The following NRG3 variants were observed in gnomAD, a reference collection of about 807,000 sequenced individuals.
NRG3 encodes the protein pro-neuregulin-3, membrane-bound isoform.
In NRG3, 31 loss-of-function variants were observed where a neutral mutation model predicts 66.9. The observed-to-expected ratio is 0.46, with a 90% CI of 0.35 to 0.63. The LOEUF (loss-of-function observed/expected upper bound fraction) is 0.63, where lower values mean the gene tolerates loss of function less well. NRG3 is among the 20% of genes least tolerant of loss of function. The pLI is 0.00. For missense variants in NRG3, 910 were observed against 878.9 expected (o/e 1.04, Z -0.45); for synonymous variants, 393 against 359.4 (o/e 1.09, Z -1.06).
chr10:82,581,134 C>A (rs1263650984), intron 2 of NRG3, among the ~76,000 whole-genome samples: 2 of 151,940 alleles, frequency 1.3e-5, no homozygotes, highest in Non-Finnish European at 2.9e-5. Context: ...GGATTTTGAT[C>A]ATCTAATAAG....
At chr10:82,973,006 T>C (rs1477696685) in intron 6 of NRG3, among the ~76,000 whole-genome samples, 1 of 152,210 alleles carries the variant, frequency 6.6e-6, no homozygotes, top group African/African-American at 2.4e-5. Flanking sequence ...CTTAAACTTC[T>C]ATTTCTAAAG....
At position 82,811,709 on chromosome 10, in the gene NRG3, A is replaced by G. The variant is rs181318065; in HGVS notation, c.1028-53702A>G. ...GAGATAAAGCAAAATAAAACTGTGA[A>G]CATTAATAGGCCCGTATTTCAACAC... is the stretch of plus-strand genomic sequence containing the variant. On this transcript the variant is annotated intron_variant, in intron 3 of 8. Coordinates refer to ENST00000372141, the MANE Select transcript of NRG3 (RefSeq NM_001010848.4). 1.1e-3 allele frequency among the ~76,000 whole-genome samples: 174 copies of G among 152,334 alleles called. 4 individuals are homozygous for G. The highest frequency in any genetic ancestry group is 3.2e-4 in the Non-Finnish European group (22 of 68,036).
chr10:82,119,948 C>T (rs1309805751), intron 1 of NRG3, among the ~76,000 whole-genome samples: 1 of 152,032 alleles, frequency 6.6e-6, no homozygotes, highest in African/African-American at 2.4e-5. Flanking sequence ...CTATTTGTCA[C>T]GACCTCTACT....
intron 1 of NRG3, among the ~76,000 whole-genome samples, chr10:82,110,209 A>G (rs1159184650): frequency 6.6e-6 from 1 of 152,182 alleles, no homozygotes; most frequent in African/African-American, 2.4e-5. Context: ...ACAGATATCT[A>G]TGGTGAGTAT....
intron 2 of NRG3, among the ~76,000 whole-genome samples, chr10:82,596,453 T>A (rs1170654169): frequency 3.3e-5 from 5 of 152,174 alleles, no homozygotes; most frequent in African/African-American, 1.2e-4. Flanking sequence ...GGCTACTCCC[T>A]GTTTCTCAAG....
chr10:82,210,830 A>G (rs1303296892), intron 1 of NRG3, among the ~76,000 whole-genome samples: 1 of 152,108 alleles, frequency 6.6e-6, no homozygotes, highest in African/African-American at 2.4e-5. Flanking sequence ...TAATAGGTAG[A>G]TATTAAATAA....
At chr10:82,785,428 C>G (rs1013827970) in intron 3 of NRG3, among the ~76,000 whole-genome samples, 5 of 151,636 alleles carry the variant, frequency 3.3e-5, no homozygotes, top group Non-Finnish European at 7.4e-5. Flanking sequence ...TAGCGAGAGC[C>G]TACATTTTCT....
chr10:82,258,896 C>T (rs1481600240), intron 1 of NRG3, among the ~76,000 whole-genome samples: 4 of 152,080 alleles, frequency 2.6e-5, no homozygotes, highest in East Asian at 3.9e-4. Context: ...GAGAAAGATA[C>T]GTATTTAATT....
chr10:81,879,587 G>C (rs1383571993), intron 1 of NRG3, among the ~76,000 whole-genome samples: 1 of 152,116 alleles, frequency 6.6e-6, no homozygotes, highest in African/African-American at 2.4e-5. Context: ...GGTTAGATTT[G>C]GAAGGTATAT....
At chr10:82,669,213 G>A (rs907870149) in intron 2 of NRG3, among the ~76,000 whole-genome samples, 6 of 150,206 alleles carry the variant, frequency 4.0e-5, no homozygotes, top group African/African-American at 9.8e-5. Flanking sequence ...CAAAAATGAA[G>A]GTAAGTAACT....
chr10:81,910,952 A>T (rs1280357295), intron 1 of NRG3, among the ~76,000 whole-genome samples: 2 of 152,212 alleles, frequency 1.3e-5, no homozygotes, highest in African/African-American at 4.8e-5. Context: ...CCACTGTGCC[A>T]GGCCTCTTTC....
chr10:82,686,241 G>T (rs991481316), intron 2 of NRG3, among the ~76,000 whole-genome samples: 2 of 151,414 alleles, frequency 1.3e-5, no homozygotes, highest in South Asian at 4.2e-4. Flanking sequence ...TGGCTGGAGT[G>T]CAATGGCATG....
intron 2 of NRG3, among the ~76,000 whole-genome samples, chr10:82,730,510 T>C (rs2057847858): frequency 6.6e-6 from 1 of 152,224 alleles, no homozygotes; most frequent in South Asian, 2.1e-4. Flanking sequence ...GACAACACAT[T>C]GGAAAACCTT....
intron 1 of NRG3, among the ~76,000 whole-genome samples, chr10:82,138,420 A>G (rs1404970574): frequency 1.3e-5 from 2 of 152,186 alleles, no homozygotes; most frequent in African/African-American, 2.4e-5. Flanking sequence ...TGATTAAAGC[A>G]AGCAAGACCA....
intron 3 of NRG3, among the ~76,000 whole-genome samples, chr10:82,748,695 T>C (rs1449600547): frequency 6.6e-6 from 1 of 150,602 alleles, no homozygotes; most frequent in East Asian, 1.9e-4. Context: ...TGCCAGGGAC[T>C]GTTCTAAGTT....
intron 2 of NRG3, among the ~76,000 whole-genome samples, chr10:82,607,069 C>T (rs2048013841): frequency 1.3e-5 from 2 of 152,152 alleles, no homozygotes; most frequent in African/African-American, 4.8e-5. Context: ...AACGCTTTCT[C>T]TGCTGCAACT....
intron 1 of NRG3, among the ~76,000 whole-genome samples, chr10:82,047,895 T>G (rs1479040628): frequency 2.8e-4 from 42 of 151,980 alleles, no homozygotes; most frequent in Non-Finnish European, 5.9e-5. Flanking sequence ...AATAAAAGGA[T>G]GGAGGAAGAT....
intron 2 of NRG3, among the ~76,000 whole-genome samples, chr10:82,399,844 A>G (rs556946599): frequency 3.3e-4 from 50 of 152,336 alleles, no homozygotes; most frequent in African/African-American, 1.2e-3. Context: ...GGTTGTTGGC[A>G]CATAGGCATT....
intron 2 of NRG3, among the ~76,000 whole-genome samples, chr10:82,633,889 T>C (rs1395536398): frequency 6.6e-6 from 1 of 152,186 alleles, no homozygotes; most frequent in East Asian, 1.9e-4. Context: ...TGGTAAGTGT[T>C]GTGTGTCCTT....
Sources: allele counts gnomAD v4.1 joint callset (sites outside exome capture counted in the v4.1 genomes callset), GRCh38; gene constraint gnomAD v4.1.1; transcripts MANE v1.5; gene names NCBI Gene and HGNC (gene_info 2026-07-23, HGNC 2026-07-21).